The following KIAA1958 variants were observed in gnomAD, a reference collection of about 807,000 sequenced individuals.
KIAA1958 encodes the protein uncharacterized protein KIAA1958.
KIAA1958 carries 14 observed loss-of-function variants against 47.2 expected under a neutral mutation model. The ratio of observed to expected loss-of-function variants is 0.30; its 90% CI spans 0.20 to 0.46. The LOEUF (loss-of-function observed/expected upper bound fraction) is 0.46, where lower values mean the gene tolerates loss of function less well. Ranked by LOEUF, KIAA1958 falls within the 20% of genes least tolerant of loss-of-function variation. KIAA1958 has a pLI of 1.00. For synonymous variants in KIAA1958, 354 were observed against 353.3 expected (o/e 1.00, Z -0.02); for missense variants, 803 against 909.2 (o/e 0.88, Z 1.50).
intron 2 of KIAA1958, among the ~76,000 whole-genome samples, chr9:112,591,657 C>G (rs1328086573): frequency 6.6e-6 from 1 of 151,734 alleles, no homozygotes; most frequent in African/African-American, 2.4e-5. Flanking sequence ...CTTTGGGATT[C>G]TGAGATTGGA....
intron 1 of KIAA1958, among the ~76,000 whole-genome samples, chr9:112,528,908 TG>T (rs1277092604): frequency 9.9e-5 from 15 of 152,264 alleles, no homozygotes; most frequent in African/African-American, 3.6e-4. Context: ...TGGGTTGTTT[TG>T]TGAATGTTTG....
chr9:112,497,915 TTTG>T (rs964294354), intron 1 of KIAA1958, among the ~76,000 whole-genome samples: 2 of 152,270 alleles, frequency 1.3e-5, no homozygotes, highest in East Asian at 3.9e-4. Flanking sequence ...AAGTAGTTTT[TTTG>T]TTGTTGTTGT....
chr9:112,586,864 A>G (rs1835835505), intron 2 of KIAA1958, among the ~76,000 whole-genome samples: 2 of 152,218 alleles, frequency 1.3e-5, no homozygotes, highest in African/African-American at 4.8e-5. Context: ...AATAATGTAC[A>G]ACCTCAGGTC....
intron 1 of KIAA1958, among the ~76,000 whole-genome samples, chr9:112,564,237 G>T (rs1167325744): frequency 6.6e-6 from 1 of 152,160 alleles, no homozygotes; most frequent in East Asian, 1.9e-4. Context: ...ATATTTGATA[G>T]AATTTACCAG....
At chr9:112,507,590 C>T (rs1273785229) in intron 1 of KIAA1958, among the ~76,000 whole-genome samples, 1 of 152,128 alleles carries the variant, frequency 6.6e-6, no homozygotes, top group Non-Finnish European at 1.5e-5. Flanking sequence ...CTCAAGTGAT[C>T]CTCTTGACTT....
chr9:112,610,059 C>A (rs1290739150), intron 2 of KIAA1958, among the ~76,000 whole-genome samples: 1 of 151,834 alleles, frequency 6.6e-6, no homozygotes, highest in Non-Finnish European at 1.5e-5. Context: ...ACATTTTTAA[C>A]AAAATTAGGA....
intron 1 of KIAA1958, among the ~76,000 whole-genome samples, chr9:112,515,867 C>A (rs1834422249): frequency 1.1e-5 from 1 of 87,964 alleles, no homozygotes; most frequent in Non-Finnish European, 2.2e-5. Context: ...TGAGAAACAC[C>A]CAAGAATTAT....
At chr9:112,617,803 A>C (rs947489754) in intron 2 of KIAA1958, 1 of 1,211,452 alleles carries the variant, frequency 8.3e-7, no homozygotes, top group African/African-American at 1.5e-5. Flanking sequence ...ACTTTATTTC[A>C]GAGTAGAAAG....
chr9:112,500,736 A>G (rs1420741860), intron 1 of KIAA1958, among the ~76,000 whole-genome samples: 2 of 152,352 alleles, frequency 1.3e-5, no homozygotes, highest in South Asian at 2.1e-4. Flanking sequence ...CTTATTGAAT[A>G]TAAAAGAATG....
At chr9:112,653,003 T>G (rs931090563) in intron 3 of KIAA1958, among the ~76,000 whole-genome samples, 6 of 152,190 alleles carry the variant, frequency 3.9e-5, no homozygotes, top group African/African-American at 1.4e-4. Context: ...AATGTAGTTC[T>G]TGTCTTCAGG....
rs372918486 is a variant in KIAA1958 at position 112,547,998 on chromosome 9, C to CTTTTTTTTTT, written c.-24-26041_-24-26032dup. On this transcript the variant is annotated intron_variant, in intron 1 of 3. Transcript: ENST00000337530. ...TTCAACCAATTGCCAGTCAGAAAATCTTTTTTTTTTTTTTTTTTTTTTTTT... is the reference window on the plus strand; with the variant it reads ...TTCAACCAATTGCCAGTCAGAAAATCTTTTTTTTTTTTTTTTTTTTTTTTTTTTTTTTTTT... Among the ~76,000 whole-genome samples the CTTTTTTTTTT allele has an allele frequency of 2.1e-5, 2 of 94,584 alleles. 1 individual carries two copies. Among genetic ancestry groups the CTTTTTTTTTT allele is most frequent in the East Asian group, 5.8e-4 (2 of 3,430 alleles). The allele number at this position is 94,584 out of a possible 152,430, so 62.1% of individuals were successfully genotyped here.
chr9:112,605,992 A>T (rs1836227520), intron 2 of KIAA1958, among the ~76,000 whole-genome samples: 2 of 152,222 alleles, frequency 1.3e-5, no homozygotes. Flanking sequence ...AATTCCACAA[A>T]TGCAAGACTG....
intron 1 of KIAA1958, among the ~76,000 whole-genome samples, chr9:112,511,007 G>A (rs1359231631): frequency 6.6e-6 from 1 of 152,014 alleles, no homozygotes; most frequent in Admixed American, 6.6e-5. Context: ...TGATCAAGCA[G>A]GGGATGGTGT....
chr9:112,543,701 G>A (rs773514816), intron 1 of KIAA1958, among the ~76,000 whole-genome samples: 8 of 151,610 alleles, frequency 5.3e-5, no homozygotes, highest in Non-Finnish European at 8.8e-5. Context: ...GCCTTCCTGA[G>A]TAGCTGGGAT....
intron 3 of KIAA1958, among the ~76,000 whole-genome samples, chr9:112,655,733 A>G (rs1564203453): frequency 2.6e-5 from 4 of 152,176 alleles, no homozygotes; most frequent in Non-Finnish European, 5.9e-5. Context: ...GTTGCTGGGC[A>G]CAAGGTCTCT....
chr9:112,607,159 C>T (rs1205948373), intron 2 of KIAA1958, among the ~76,000 whole-genome samples: 1 of 151,952 alleles, frequency 6.6e-6, no homozygotes, highest in African/African-American at 2.4e-5. Context: ...GGGTTCCAGA[C>T]CAGCCTGACC....
intron 2 of KIAA1958, among the ~76,000 whole-genome samples, chr9:112,580,613 C>A (rs762971302): frequency 6.6e-6 from 1 of 151,864 alleles, no homozygotes; most frequent in Non-Finnish European, 1.5e-5. Flanking sequence ...ATGGTGAAAC[C>A]CCATCTCTTC....
Position 112,581,088 on chromosome 9 carries a change from G to T in KIAA1958, c.1171+5837G>T, listed in dbSNP as rs543973142. On this transcript the variant is annotated intron_variant, in intron 2 of 3. Coordinates refer to ENST00000337530, the MANE Select transcript of KIAA1958 (RefSeq NM_133465.4). The stretch of plus-strand genomic sequence containing the variant: ...TTTTTTTCTCAGATCTCTTAGAGAT[G>T]AATAGAATCAGATGTATTTGAGTTT... 4.6e-5 allele frequency among the ~76,000 whole-genome samples: 7 copies of T among 152,208 alleles called. No homozygotes were observed. In the East Asian group the frequency reaches 1.4e-3, roughly 29 times the overall value.
At chr9:112,627,130 C>T (rs1466344185) in intron 2 of KIAA1958, among the ~76,000 whole-genome samples, 1 of 152,180 alleles carries the variant, frequency 6.6e-6, no homozygotes, top group African/African-American at 2.4e-5. Flanking sequence ...AAAGTGGTGC[C>T]AAACTTGAAA....
Sources: allele counts gnomAD v4.1 joint callset (sites outside exome capture counted in the v4.1 genomes callset), GRCh38; gene constraint gnomAD v4.1.1; transcripts MANE v1.5; gene names NCBI Gene and HGNC (gene_info 2026-07-23, HGNC 2026-07-21).